The following LGR6 variants were observed in gnomAD, a reference collection of about 807,000 sequenced individuals.
LGR6 encodes leucine rich repeat containing G protein-coupled receptor 6.
A neutral mutation model predicts 69.4 loss-of-function variants in LGR6; 45 were observed. The ratio of observed to expected loss-of-function variants is 0.65; its 90% CI spans 0.51 to 0.83. LGR6 has a LOEUF of 0.83. Ranked by LOEUF, LGR6 falls within the 40% of genes least tolerant of loss-of-function variation. The pLI is 0.00. For missense variants in LGR6, 1,108 were observed against 1,246.7 expected (o/e 0.89, Z 1.68); for synonymous variants, 538 against 555.0 (o/e 0.97, Z 0.43).
chr1:202,313,349 T>A (rs1226902461), intron 16 of LGR6, among the ~76,000 whole-genome samples: 2 of 152,170 alleles, frequency 1.3e-5, no homozygotes, highest in East Asian at 3.8e-4. Context: ...CTGTTTAGTA[T>A]CATCAGTGAC....
intron 1 of LGR6, among the ~76,000 whole-genome samples, chr1:202,202,139 CAGG>C (rs1658860726): frequency 6.6e-6 from 1 of 152,068 alleles, no homozygotes; most frequent in Non-Finnish European, 1.5e-5. Flanking sequence ...AACTCAGGGC[CAGG>C]AGAAGGGGAA....
At chr1:202,240,390 A>C (rs1329577886) in intron 4 of LGR6, among the ~76,000 whole-genome samples, 2 of 151,152 alleles carry the variant, frequency 1.3e-5, no homozygotes, top group Admixed American at 1.3e-4. Context: ...AAAAAAAAAA[A>C]CGACATGAAA....
chr1:202,235,076 C>A (rs1046833189), intron 3 of LGR6, among the ~76,000 whole-genome samples: 4 of 152,206 alleles, frequency 2.6e-5, no homozygotes, highest in African/African-American at 9.7e-5. Flanking sequence ...ACTCCCTGCG[C>A]TTTCGAGTGC....
intron 4 of LGR6, among the ~76,000 whole-genome samples, chr1:202,272,299 A>G (rs187222890): frequency 6.6e-6 from 1 of 152,296 alleles, no homozygotes. Context: ...CCCACCCCCA[A>G]GCCCACCTGG....
chr1:202,242,732 T>C (rs1397138822), intron 4 of LGR6, among the ~76,000 whole-genome samples: 3 of 152,172 alleles, frequency 2.0e-5, no homozygotes, highest in Middle Eastern at 3.2e-3. Context: ...TTGTCCAGCA[T>C]TGGAGGTCTT....
rs1490182957 is a variant in LGR6 at position 202,205,102 on chromosome 1, CCAAA to C, written c.212+10908_212+10911del. On this transcript the variant is annotated intron_variant, in intron 1 of 17. Transcript: ENST00000367278. ...CTCCTCCACACACACACACGTACCT[CCAAA>C]CAAACACACACCTAACACACCTCCT... Among the ~76,000 whole-genome samples, 58 of 75,526 alleles carry C rather than the reference CCAAA, an allele frequency of 7.7e-4. 1 individual carries two copies. Among genetic ancestry groups the C allele is most frequent in the Non-Finnish European group, 1.1e-3 (45 of 41,476 alleles). 49.5% of individuals were successfully genotyped at this position (75,526 alleles called of 152,430 possible).
At chr1:202,251,542 C>T (rs1384611138) in intron 4 of LGR6, among the ~76,000 whole-genome samples, 1 of 152,122 alleles carries the variant, frequency 6.6e-6, no homozygotes, top group Non-Finnish European at 1.5e-5. Flanking sequence ...CAGATCCCTC[C>T]CACCCGGGAA....
At chr1:202,302,215 G>T (rs1248555923) in intron 9 of LGR6, among the ~76,000 whole-genome samples, 1 of 152,124 alleles carries the variant, frequency 6.6e-6, no homozygotes, top group African/African-American at 2.4e-5. Flanking sequence ...TAACATAGCC[G>T]ACATCTCCAA....
intron 17 of LGR6, among the ~76,000 whole-genome samples, chr1:202,316,196 T>C (rs937853703): frequency 3.9e-5 from 6 of 152,160 alleles, no homozygotes; most frequent in Non-Finnish European, 8.8e-5. Flanking sequence ...AGGAAAGAGT[T>C]TTGTTTGACT....
At chr1:202,204,356 C>T (rs1658959308) in intron 1 of LGR6, among the ~76,000 whole-genome samples, 1 of 117,634 alleles carries the variant, frequency 8.5e-6, no homozygotes, top group Admixed American at 8.6e-5. Context: ...ACACACACAC[C>T]TCCACACACA....
chr1:202,305,004 T>C (rs995697999), intron 11 of LGR6, among the ~76,000 whole-genome samples: 2 of 152,148 alleles, frequency 1.3e-5, no homozygotes, highest in Admixed American at 1.3e-4. Context: ...ACTGTGGAGG[T>C]ACTTAAGTGG....
At chr1:202,216,295 C>A (rs1659777412) in intron 1 of LGR6, among the ~76,000 whole-genome samples, 4 of 152,090 alleles carry the variant, frequency 2.6e-5, no homozygotes, top group Non-Finnish European at 5.9e-5. Flanking sequence ...AGCACTTTAC[C>A]AGGGAGGAAA....
intron 14 of LGR6, among the ~76,000 whole-genome samples, chr1:202,307,995 G>C (rs1383744391): frequency 6.6e-6 from 1 of 152,194 alleles, no homozygotes; most frequent in African/African-American, 2.4e-5. Flanking sequence ...AGAGGGAGCT[G>C]ACATCCTGCC....
intron 4 of LGR6, among the ~76,000 whole-genome samples, chr1:202,271,754 G>A (rs1665119466): frequency 6.7e-6 from 1 of 149,894 alleles, no homozygotes; most frequent in Non-Finnish European, 1.5e-5. Context: ...GTTTCAGTGA[G>A]CTGGGATTGC....
At chr1:202,223,591 C>A (rs1032711915) in intron 1 of LGR6, among the ~76,000 whole-genome samples, 2 of 151,982 alleles carry the variant, frequency 1.3e-5, no homozygotes, top group African/African-American at 4.8e-5. Context: ...TCTGAGCCCA[C>A]CTCTGTACCC....
chr1:202,263,077 A>G (rs1664365619), intron 4 of LGR6, among the ~76,000 whole-genome samples: 1 of 151,804 alleles, frequency 6.6e-6, no homozygotes, highest in South Asian at 2.1e-4. Flanking sequence ...GAGGGTGTCA[A>G]ATAACTTCTA....
Position 202,268,802 on chromosome 1 carries a change from G to A in LGR6, c.429-7504G>A, listed in dbSNP as rs1351574024. Reference sequence around the variant, plus strand: ...CAGCTTTTGAGGATTTTTTAGTTTGGGAGCAGAGCCGACCTCATGGGCCTG... The same window carrying A: ...CAGCTTTTGAGGATTTTTTAGTTTGAGAGCAGAGCCGACCTCATGGGCCTG... On this transcript the variant is annotated intron_variant, in intron 4 of 17. Coordinates refer to ENST00000367278, the MANE Select transcript of LGR6 (RefSeq NM_001017403.2). The surrounding 1 kb of genome is among the most constrained non-coding windows in gnomAD (Gnocchi z 4.4). Among the ~76,000 whole-genome samples, 3 of 152,186 alleles carry A rather than the reference G, an allele frequency of 2.0e-5. No individual in the cohort carries two copies. The highest frequency in any genetic ancestry group is 4.4e-5 in the Non-Finnish European group (3 of 68,042).
intron 4 of LGR6, among the ~76,000 whole-genome samples, chr1:202,252,190 C>T (rs3120749): frequency 1.3e-5 from 2 of 152,128 alleles, no homozygotes; most frequent in African/African-American, 4.8e-5. Context: ...TCTACTCCAG[C>T]GAAGCCACTT....
chr1:202,269,529 A>G (rs1664927765), intron 4 of LGR6, among the ~76,000 whole-genome samples: 1 of 152,174 alleles, frequency 6.6e-6, no homozygotes, highest in African/African-American at 2.4e-5. Context: ...TTAGGATGAG[A>G]CCATGTCATG....
Sources: gnomAD v4.1 joint callset for allele counts (sites outside exome capture counted in the v4.1 genomes callset) on GRCh38, gnomAD v4.1.1 for gene constraint, Gnocchi (gnomAD v3.1) non-coding constraint, MANE v1.5 for transcripts, NCBI Gene and HGNC (gene_info 2026-07-23, HGNC 2026-07-21) for gene names.